The following GRID1 variants were observed in gnomAD, a reference collection of about 807,000 sequenced individuals.
The protein encoded by GRID1 is glutamate receptor ionotropic, delta-1.
A neutral mutation model predicts 98.0 loss-of-function variants in GRID1; 28 were observed. That is an observed-to-expected ratio of 0.29 (90% CI 0.21 to 0.39). The LOEUF (loss-of-function observed/expected upper bound fraction) is 0.39. GRID1 is among the 10% of genes least tolerant of loss of function. The pLI is 1.00. For missense variants in GRID1, 1,111 were observed against 1,340.5 expected, an observed-to-expected ratio of 0.83 and a Z score of 2.67; for synonymous variants, 553 against 538.5, an observed-to-expected ratio of 1.03 and a Z score of -0.37.
At position 85,602,381 on chromosome 10, in the gene GRID1, C is replaced by A. The variant is rs919800461; in HGVS notation, c.2922G>T (p.Gly974=). The A allele has an allele frequency of 1.2e-6, 2 of 1,606,940 alleles. No homozygotes were observed. The highest frequency in any genetic ancestry group is 1.3e-5 in the African/African-American group (1 of 74,812). The change falls in exon 16 of 16, where the codon GGG becomes GGT. Residue 974 remains glycine, a synonymous_variant. Transcript: ENST00000327946. ...MQCKHRSPNG[G]LFRQSPVKTP... ...TCTTCACCGGGCTCTGCCGGAACAG[C>A]CCCCCGTTGGGTGACCTGTGTTTGC...
At chr10:85,961,047 C>A (rs1382540658) in intron 4 of GRID1, among the ~76,000 whole-genome samples, 1 of 151,966 alleles carries the variant, frequency 6.6e-6, no homozygotes, top group Non-Finnish European at 1.5e-5. Context: ...GGCTCCAGGG[C>A]CAGTCTCAGG....
At chr10:85,882,392 G>C (rs1841045065) in intron 5 of GRID1, among the ~76,000 whole-genome samples, 1 of 152,174 alleles carries the variant, frequency 6.6e-6, no homozygotes, top group Admixed American at 6.5e-5. Flanking sequence ...AACAATGATA[G>C]ACTGGATTAA....
intron 2 of GRID1, among the ~76,000 whole-genome samples, chr10:86,291,608 C>A (rs1182850134): frequency 1.3e-5 from 2 of 152,212 alleles, no homozygotes; most frequent in Admixed American, 6.5e-5. Context: ...TGTTGGGCTG[C>A]CCTGGGCTGC....
chr10:86,110,060 C>T (rs1450913974), intron 4 of GRID1, among the ~76,000 whole-genome samples: 1 of 150,520 alleles, frequency 6.6e-6, no homozygotes, highest in Non-Finnish European at 1.5e-5. Context: ...GCAACCTCTG[C>T]CTCTCGGGTT....
chr10:86,337,698 CTTTTTTTTTTTTT>C (rs57891044), intron 2 of GRID1, among the ~76,000 whole-genome samples: 1 of 73,282 alleles, frequency 1.4e-5, no homozygotes, highest in Non-Finnish European at 2.4e-5. Context: ...CCTTTGGGAA[CTTTTTTTTTTTTT>C]TTTTTTTTTT....
At chr10:85,723,710 A>G (rs1841729159) in intron 11 of GRID1, among the ~76,000 whole-genome samples, 1 of 152,214 alleles carries the variant, frequency 6.6e-6, no homozygotes. Context: ...TTAGAAGTTT[A>G]GCCTCTTTGA....
At chr10:86,169,236 G>A (rs1845445600) in intron 3 of GRID1, among the ~76,000 whole-genome samples, 1 of 152,208 alleles carries the variant, frequency 6.6e-6, no homozygotes. Flanking sequence ...TTCCGGCAAT[G>A]ACCTTAGGCC....
chr10:86,044,442 T>C (rs1843391651), intron 4 of GRID1, among the ~76,000 whole-genome samples: 1 of 152,174 alleles, frequency 6.6e-6, no homozygotes, highest in Admixed American at 6.5e-5. Context: ...AACTGGGACA[T>C]TGCTGATCAA....
rs140493212 is a variant in GRID1 at position 86,265,912 on chromosome 10, C to A, written c.236-59264G>T. Among the ~76,000 whole-genome samples the A allele has an allele frequency of 1.9e-4, 29 of 152,314 alleles. No individual in the cohort carries two copies. In the East Asian group the frequency reaches 5.6e-3, roughly 29 times the overall value. On this transcript the variant is annotated intron_variant, in intron 2 of 15. Transcript: ENST00000327946. Reference sequence around the variant, plus strand: ...CTGATCAGCAGCCCAGCCTCCCATACTCCTGACTCATCCACTGCCCTGGCT... The same window carrying A: ...CTGATCAGCAGCCCAGCCTCCCATAATCCTGACTCATCCACTGCCCTGGCT...
At chr10:86,063,120 G>A (rs1307975953) in intron 4 of GRID1, among the ~76,000 whole-genome samples, 1 of 152,200 alleles carries the variant, frequency 6.6e-6, no homozygotes, top group African/African-American at 2.4e-5. Flanking sequence ...ACTACTGAGG[G>A]CAACAATGCC....
chr10:86,022,790 C>T (rs557645160), intron 4 of GRID1, among the ~76,000 whole-genome samples: 26 of 151,904 alleles, frequency 1.7e-4, no homozygotes, highest in Non-Finnish European at 2.6e-4. Flanking sequence ...TGGTGGCAGG[C>T]GCCTGTAAGC....
At chr10:86,049,639 T>C (rs1319034365) in intron 4 of GRID1, among the ~76,000 whole-genome samples, 2 of 152,216 alleles carry the variant, frequency 1.3e-5, no homozygotes, top group East Asian at 1.9e-4. Context: ...TCAAGGTGAC[T>C]CTAGATGACA....
chr10:86,255,496 G>T (rs188479626), intron 2 of GRID1, among the ~76,000 whole-genome samples: 3 of 152,316 alleles, frequency 2.0e-5, no homozygotes, highest in Admixed American at 6.5e-5. Context: ...ACCACCCTTG[G>T]GATGCAGTGG....
intron 8 of GRID1, among the ~76,000 whole-genome samples, chr10:85,819,288 C>T (rs79942423): frequency 0.033 from 5,023 of 152,168 alleles, 124 homozygotes; most frequent in Non-Finnish European, 0.047. Flanking sequence ...ATATTTGCAC[C>T]GTTTCAAAGC....
At chr10:85,847,787 G>T (rs532638635) in intron 8 of GRID1, among the ~76,000 whole-genome samples, 2 of 151,860 alleles carry the variant, frequency 1.3e-5, no homozygotes, top group Admixed American at 6.6e-5. Flanking sequence ...TGTGAATTGG[G>T]TATAAGTTCC....
At chr10:85,654,673 A>G (rs1261624249) in intron 12 of GRID1, among the ~76,000 whole-genome samples, 1 of 152,144 alleles carries the variant, frequency 6.6e-6, no homozygotes, top group Non-Finnish European at 1.5e-5. Flanking sequence ...TGATAGTTGT[A>G]TCTTCAGTCC....
intron 5 of GRID1, among the ~76,000 whole-genome samples, chr10:85,897,696 A>C (rs76065075): frequency 0.017 from 2,552 of 152,332 alleles, 26 homozygotes; most frequent in Non-Finnish European, 0.026. Context: ...TGGTTAAATC[A>C]AGCTAATTAA....
At chr10:86,294,430 C>T (rs2814314) in intron 2 of GRID1, among the ~76,000 whole-genome samples, 6,082 of 152,226 alleles carry the variant, frequency 0.04, 237 homozygotes, top group Admixed American at 0.11. Context: ...AGGGCGGAGG[C>T]AGGGAGACCT....
chr10:85,859,920 G>C (rs918656048), intron 6 of GRID1, among the ~76,000 whole-genome samples: 1 of 152,206 alleles, frequency 6.6e-6, no homozygotes, highest in East Asian at 1.9e-4. Flanking sequence ...TAGAAAGGCA[G>C]TTTATGCTTG....
Sources: gnomAD v4.1 joint callset for allele counts (sites outside exome capture counted in the v4.1 genomes callset) on GRCh38, gnomAD v4.1.1 for gene constraint, MANE v1.5 for transcripts, NCBI Gene and HGNC (gene_info 2026-07-23, HGNC 2026-07-21) for gene names.